PPP1R9A: variants seen among roughly 807,000 people sequenced by gnomAD.
PPP1R9A encodes protein phosphatase 1 regulatory subunit 9A.
Under a neutral mutation model 141.9 loss-of-function variants are expected in PPP1R9A, and 59 were observed. The ratio of observed to expected loss-of-function variants is 0.42; its 90% CI spans 0.34 to 0.52. The LOEUF (loss-of-function observed/expected upper bound fraction) is 0.52. PPP1R9A is among the 20% of genes least tolerant of loss of function. The pLI, the probability that PPP1R9A is intolerant of heterozygous loss-of-function variation, is 0.10. For missense variants in PPP1R9A, 1,444 were observed against 1,611.9 expected, an observed-to-expected ratio of 0.90 and a Z score of 1.78; for synonymous variants, 500 against 569.7, an observed-to-expected ratio of 0.88 and a Z score of 1.74.
intron 2 of PPP1R9A, among the ~76,000 whole-genome samples, chr7:95,107,386 G>A (rs1371837181): frequency 6.6e-6 from 1 of 152,028 alleles, no homozygotes; most frequent in African/African-American, 2.4e-5. Flanking sequence ...TTGCCTAGAA[G>A]TTTTTGGGCT....
At chr7:94,971,784 C>G (rs1406505900) in intron 2 of PPP1R9A, among the ~76,000 whole-genome samples, 1 of 152,200 alleles carries the variant, frequency 6.6e-6, no homozygotes, top group African/African-American at 2.4e-5. Flanking sequence ...TTTTAACAAT[C>G]TCTTCAGTGC....
intron 5 of PPP1R9A, among the ~76,000 whole-genome samples, chr7:95,164,192 G>C (rs531343820): frequency 1.3e-5 from 2 of 152,222 alleles, no homozygotes; most frequent in South Asian, 4.1e-4. Flanking sequence ...ATTCCTATCA[G>C]CAATGAGTGA....
At chr7:94,939,689 A>G (rs904259123) in intron 2 of PPP1R9A, among the ~76,000 whole-genome samples, 3 of 151,814 alleles carry the variant, frequency 2.0e-5, no homozygotes, top group African/African-American at 7.3e-5. Context: ...GCACTTAGTG[A>G]CTTAGGTGAA....
intron 16 of PPP1R9A, among the ~76,000 whole-genome samples, chr7:95,282,658 A>G (rs1272697588): frequency 6.6e-6 from 1 of 152,142 alleles, no homozygotes; most frequent in East Asian, 1.9e-4. Context: ...AATCAACCAG[A>G]TTCATGTTTT....
At chr7:94,915,501 G>A (rs2150641749) in intron 2 of PPP1R9A, among the ~76,000 whole-genome samples, 1 of 152,296 alleles carries the variant, frequency 6.6e-6, no homozygotes. Context: ...TACAATGGTT[G>A]AGCTACAAGT....
In PPP1R9A at chr7:95,226,236, T is replaced by A. The variant is rs542527432; in HGVS notation, c.2112+120T>A. On this transcript the variant is annotated intron_variant, in intron 8 of 19. Coordinates refer to ENST00000433360, the MANE Select transcript of PPP1R9A (RefSeq NM_001166160.2). ...CAAATCAAAGCTTTTTAATAACAGG[T>A]TGTCTTGAGTCTCATTGAATTTCAA... The A allele has an allele frequency of 6.1e-6, 6 of 990,170 alleles. No individual in the cohort carries two copies. The East Asian group carries it at 1.3e-4, about 22-fold the overall frequency. The allele number at this position is 990,170 out of a possible 1,614,324, so 61.3% of individuals were successfully genotyped here. A position where few individuals can be genotyped will look rare whatever the true frequency, so the allele number is the denominator to read the frequency against.
intron 4 of PPP1R9A, among the ~76,000 whole-genome samples, chr7:95,122,744 C>T (rs1822866342): frequency 6.6e-6 from 1 of 152,140 alleles, no homozygotes. Flanking sequence ...CAGTCTTCCT[C>T]CTTTTCAGAG....
Position 95,281,673 on chromosome 7 carries a change from A to T in PPP1R9A, c.3297-2345A>T, listed in dbSNP as rs145566945. Among the ~76,000 whole-genome samples the T allele has an allele frequency of 8.8e-3, 1,345 of 152,324 alleles. 24 individuals carry two copies. The highest frequency in any genetic ancestry group is 0.031 in the African/African-American group (1,285 of 41,560). Reference sequence around the variant, plus strand: ...CAACTAAAGCAATGGAATGACCACAAGTAGAAAACAATTCTTATTTTGTCC... The same window carrying T: ...CAACTAAAGCAATGGAATGACCACATGTAGAAAACAATTCTTATTTTGTCC... On this transcript the variant is annotated intron_variant, in intron 16 of 19. Coordinates refer to ENST00000433360, the MANE Select transcript of PPP1R9A (RefSeq NM_001166160.2).
chr7:95,219,741 T>G (rs1794122924), intron 7 of PPP1R9A, among the ~76,000 whole-genome samples: 1 of 152,132 alleles, frequency 6.6e-6, no homozygotes, highest in Non-Finnish European at 1.5e-5. Flanking sequence ...TCGAATCCTC[T>G]CAATATCCTA....
rs113253337 is a variant in PPP1R9A at position 94,910,228 on chromosome 7, T to A, written c.115T>A (p.Ser39Thr). Reference sequence around the variant, plus strand: ...GAAAAGTACCTTTGACAAACCCAAGTCAGATGGGGAACAAAAAACAAAAGA... The same window carrying A: ...GAAAAGTACCTTTGACAAACCCAAGACAGATGGGGAACAAAAAACAAAAGA... ...ALKSTFDKPK[S>T]DGEQKTKEGE... is the part of the protein sequence containing the mutation. The change falls in exon 2 of 20, where the codon TCA (serine) becomes ACA (threonine). Residue 39 changes from serine to threonine, a missense_variant. Physicochemically the swap from Ser to Thr is moderately conservative, Grantham distance 58. Coordinates refer to ENST00000433360, the MANE Select transcript of PPP1R9A (RefSeq NM_001166160.2). The surrounding 1 kb of genome is among the most constrained non-coding windows in gnomAD (Gnocchi z 4.5). 5.7e-3 allele frequency: 9,165 copies of A among 1,613,640 alleles called. 475 individuals are homozygous for A. In the African/African-American group the frequency reaches 0.11, roughly 19 times the overall value.
At chr7:95,117,390 TG>T (rs1821712250) in intron 3 of PPP1R9A, among the ~76,000 whole-genome samples, 1 of 152,156 alleles carries the variant, frequency 6.6e-6, no homozygotes, top group Admixed American at 6.5e-5. Flanking sequence ...CTGGTCTCTG[TG>T]CGTTGATTGT....
At chr7:95,107,144 T>A (rs959697100) in intron 2 of PPP1R9A, among the ~76,000 whole-genome samples, 1 of 152,248 alleles carries the variant, frequency 6.6e-6, no homozygotes, top group African/African-American at 2.4e-5. Flanking sequence ...TCTCCTTGTT[T>A]TAATTTGCAT....
chr7:95,115,914 C>T (rs1414005624), intron 3 of PPP1R9A, among the ~76,000 whole-genome samples: 1 of 131,350 alleles, frequency 7.6e-6, no homozygotes, highest in Non-Finnish European at 1.6e-5. Flanking sequence ...AAGACTCTGT[C>T]TCAAAAAAAA....
intron 2 of PPP1R9A, among the ~76,000 whole-genome samples, chr7:95,107,899 G>C (rs12534268): frequency 6.6e-6 from 1 of 152,010 alleles, no homozygotes; most frequent in Admixed American, 6.6e-5. Flanking sequence ...TTTAATCCAG[G>C]GAAATAATAT....
At chr7:95,138,826 AAAGAT>A (rs1177445353) in intron 4 of PPP1R9A, among the ~76,000 whole-genome samples, 5 of 152,252 alleles carry the variant, frequency 3.3e-5, no homozygotes, top group Non-Finnish European at 7.3e-5. Flanking sequence ...TAGAATGGCT[AAAGAT>A]AAGAATGCTA....
intron 2 of PPP1R9A, among the ~76,000 whole-genome samples, chr7:94,989,707 G>A (rs1301514949): frequency 6.6e-6 from 1 of 151,968 alleles, no homozygotes; most frequent in Non-Finnish European, 1.5e-5. Context: ...TCGGCTTAAT[G>A]TAACAGACAA....
At chr7:95,073,799 C>T (rs1327089418) in intron 2 of PPP1R9A, among the ~76,000 whole-genome samples, 1 of 151,634 alleles carries the variant, frequency 6.6e-6, no homozygotes, top group Non-Finnish European at 1.5e-5. Context: ...CTAGGTTGGT[C>T]TTTAACTCCT....
chr7:95,262,564 A>G (rs971323931), intron 12 of PPP1R9A, among the ~76,000 whole-genome samples: 6 of 152,174 alleles, frequency 3.9e-5, no homozygotes, highest in Admixed American at 6.5e-5. Context: ...GTCTAGCGGT[A>G]TTACTGAAGA....
intron 4 of PPP1R9A, among the ~76,000 whole-genome samples, chr7:95,141,209 A>G (rs1826615349): frequency 6.6e-6 from 1 of 152,214 alleles, no homozygotes; most frequent in Non-Finnish European, 1.5e-5. Context: ...TGAAAATACC[A>G]GAATTAGGTG....
Sources: allele counts gnomAD v4.1 joint callset (sites outside exome capture counted in the v4.1 genomes callset), GRCh38; gene constraint gnomAD v4.1.1; non-coding constraint Gnocchi (gnomAD v3.1); transcripts MANE v1.5; gene names NCBI Gene and HGNC (gene_info 2026-07-23, HGNC 2026-07-21).